The following OTOF variants were observed in gnomAD, a reference collection of about 807,000 sequenced individuals.
OTOF encodes fer-1-like family member 2.
OTOF carries 218 observed loss-of-function variants against 236.8 expected under a neutral mutation model. The observed-to-expected ratio is 0.92, with a 90% CI of 0.82 to 1.03. The LOEUF (loss-of-function observed/expected upper bound fraction) is 1.03. OTOF is among the 50% of genes least tolerant of loss of function. The pLI is 0.00. For synonymous variants in OTOF, 1,041 were observed against 1,072.5 expected (o/e 0.97, Z 0.57); for missense variants, 2,590 against 2,694.4 (o/e 0.96, Z 0.86).
chr2:26,530,535 G>A (rs1666919344), intron 2 of OTOF, among the ~76,000 whole-genome samples: 1 of 152,184 alleles, frequency 6.6e-6, no homozygotes, highest in Non-Finnish European at 1.5e-5. Flanking sequence ...CTGAGTCACA[G>A]CAGCTTCTTC....
chr2:26,474,325 AC>A (rs1346968396), intron 26 of OTOF, among the ~76,000 whole-genome samples, 187 bp downstream of exon 26: 2 of 105,848 alleles, frequency 1.9e-5, no homozygotes, highest in Non-Finnish European at 3.9e-5. Context: ...CCAGGCCCTA[AC>A]CCCCCAGGCC....
At chr2:26,489,863 G>A in intron 9 of OTOF, 123 bp from the exon 10 acceptor site, 5 of 766,498 alleles carry the variant, frequency 6.5e-6, no homozygotes, top group Admixed American at 1.9e-5. Context: ...GAGCCCCAAA[G>A]TTCAGAGGAG....
rs1449423483 is a variant in OTOF at position 26,462,844 on chromosome 2, C to T, written c.5192+639G>A. Reference sequence around the variant, plus strand: ...GGAGCATGGAAACAAGAGTGGGACCCTGTGTGGCTTCCTCCATCCCTGAAG... The same window carrying T: ...GGAGCATGGAAACAAGAGTGGGACCTTGTGTGGCTTCCTCCATCCCTGAAG... On this transcript the variant is annotated intron_variant, in intron 41 of 46. Coordinates refer to ENST00000272371, the MANE Select transcript of OTOF (RefSeq NM_194248.3). This position sits in a 1 kb window ranked among gnomAD's most constrained non-coding sequence, Gnocchi z 4.7. Among the ~76,000 whole-genome samples, 1 of 152,210 alleles carries T rather than the reference C, an allele frequency of 6.6e-6. No homozygotes were observed. Among genetic ancestry groups the T allele is most frequent in the Non-Finnish European group, 1.5e-5 (1 of 68,040 alleles).
intron 5 of OTOF, among the ~76,000 whole-genome samples, chr2:26,511,457 T>C (rs544441832): frequency 7.2e-5 from 11 of 152,236 alleles, no homozygotes; most frequent in Non-Finnish European, 1.5e-4. Flanking sequence ...GCAATGAGGA[T>C]GAAGACAGGA....
intron 9 of OTOF, among the ~76,000 whole-genome samples, chr2:26,492,223 G>A (rs1665866045): frequency 6.6e-6 from 1 of 152,146 alleles, no homozygotes; most frequent in South Asian, 2.1e-4. Flanking sequence ...TGGAAACTTG[G>A]TAGCTGTAAC....
intron 1 of OTOF, among the ~76,000 whole-genome samples, chr2:26,557,875 T>G (rs1667632786): frequency 6.6e-6 from 1 of 151,744 alleles, no homozygotes; most frequent in African/African-American, 2.4e-5. Context: ...CTCAGCTCTG[T>G]GTTTCTACCC....
At position 26,477,008 on chromosome 2, in the gene OTOF, C is replaced by G. The variant is rs777673117; in HGVS notation, c.2559G>C (p.Met853Ile). 1 of 1,606,620 alleles carries G rather than the reference C, an allele frequency of 6.2e-7. No homozygotes were observed. Among genetic ancestry groups the G allele is most frequent in the South Asian group, 1.1e-5 (1 of 90,684 alleles). ...AGGCGACACGCTTGTTGTTGCTCAT[C>G]ATCCAGATGAAGATGTCGGGAATGC... ...QHSIPDIFIW[M>I]MSNNKRVAYA... The change falls in exon 22 of 47, where the codon ATG (methionine) becomes ATC (isoleucine). Residue 853 changes from methionine to isoleucine, a missense_variant. Physicochemically the swap from Met to Ile is conservative, Grantham distance 10. Around this residue, in one of 2 missense-constraint regions of OTOF, gnomAD observed 1,379 missense variants for 1,341.6 expected, o/e 1.03. Transcript: ENST00000272371. This position sits in a 1 kb window ranked among gnomAD's most constrained non-coding sequence, Gnocchi z 4.7.
rs929076079 is a variant in OTOF, at chr2:26,473,926, C to T, written c.3408+65G>A. The stretch of plus-strand genomic sequence containing the variant: ...TGGTGGTGGGAGGGGGATGACAAGC[C>T]ACTTCCCCTCCTGGGTCCTCAGACT... On this transcript the variant is annotated intron_variant, in intron 27 of 46. Coordinates refer to ENST00000272371, the MANE Select transcript of OTOF (RefSeq NM_194248.3). This position sits in a 1 kb window ranked among gnomAD's most constrained non-coding sequence, Gnocchi z 7.2. 2 of 1,598,016 alleles carry T rather than the reference C, an allele frequency of 1.3e-6. No homozygotes were observed. Among genetic ancestry groups the T allele is most frequent in the African/African-American group, 2.7e-5 (2 of 74,532 alleles).
intron 1 of OTOF, 79 bp from the exon 2 acceptor site, chr2:26,537,853 G>T: frequency 9.3e-7 from 1 of 1,070,392 alleles, no homozygotes; most frequent in South Asian, 1.3e-5. Context: ...CTCATCCTGG[G>T]AGTCGTCCTA....
At chr2:26,505,094 C>T (rs1240661586) in intron 5 of OTOF, among the ~76,000 whole-genome samples, 1 of 152,178 alleles carries the variant, frequency 6.6e-6, no homozygotes, top group Non-Finnish European at 1.5e-5. Context: ...ATCTTATTCC[C>T]CAAACCTGGC....
intron 5 of OTOF, among the ~76,000 whole-genome samples, chr2:26,516,122 G>A (rs1666516493): frequency 6.6e-6 from 1 of 152,192 alleles, no homozygotes; most frequent in Non-Finnish European, 1.5e-5. Flanking sequence ...TCTGAGAAAG[G>A]CAGGAGATCT....
chr2:26,533,626 A>G (rs1276214070), intron 2 of OTOF, among the ~76,000 whole-genome samples: 1 of 152,122 alleles, frequency 6.6e-6, no homozygotes, highest in Non-Finnish European at 1.5e-5. Flanking sequence ...AAGGTGATCT[A>G]AAGTCCCTTT....
intron 5 of OTOF, among the ~76,000 whole-genome samples, chr2:26,506,249 A>G (rs1213073362): frequency 1.3e-5 from 2 of 152,190 alleles, no homozygotes; most frequent in Admixed American, 1.3e-4. Flanking sequence ...TGAATTACCC[A>G]GGAGTCTCCT....
rs891904909 is a variant in OTOF, at chr2:26,461,180, C to T, written c.5534-150G>A. 1 of 754,166 alleles carries T rather than the reference C, an allele frequency of 1.3e-6. No individual in the cohort carries two copies. The highest frequency in any genetic ancestry group is 2.7e-5 in the East Asian group (1 of 37,158). 46.7% of individuals were successfully genotyped at this position (754,166 alleles called of 1,614,324 possible). A position where few individuals can be genotyped will look rare whatever the true frequency, so the allele number is the denominator to read the frequency against. On this transcript the variant is annotated intron_variant, in intron 43 of 46. Transcript: ENST00000272371. The surrounding 1 kb of genome is among the most constrained non-coding windows in gnomAD (Gnocchi z 6.2). ...CTCCTGCCTCACTCCCAGCAACTGG[C>T]CTCAATGCAGGCATCCTCGTGGGCT...
At chr2:26,480,424 CA>C in intron 15 of OTOF, 113 bp from the exon 16 acceptor site, 1 of 754,060 alleles carries the variant, frequency 1.3e-6, no homozygotes, top group South Asian at 1.4e-5. Context: ...GGGGGCATCC[CA>C]CCCGGCTTTG....
chr2:26,537,163 T>G (rs13017387), intron 2 of OTOF, among the ~76,000 whole-genome samples: 56,779 of 152,168 alleles, frequency 0.37, 12,313 homozygotes, highest in Admixed American at 0.52. Context: ...CAGAGCTGTT[T>G]CTGAAAATCC....
intron 11 of OTOF, among the ~76,000 whole-genome samples, chr2:26,488,466 C>G (rs74975043): frequency 0.012 from 1,894 of 152,318 alleles, 42 homozygotes; most frequent in African/African-American, 0.043. Context: ...CTCACAAGCC[C>G]TCTGGGCCAC....
In OTOF at chr2:26,470,265, C is replaced by T. The variant is rs142406713; in HGVS notation, c.4023+328G>A. On this transcript the variant is annotated intron_variant, in intron 32 of 46. Transcript: ENST00000272371. This position sits in a 1 kb window ranked among gnomAD's most constrained non-coding sequence, Gnocchi z 4.3. ...AGTCTCTGTTTACATGTCCATTTTG[C>T]CCAGTAAACCGGAGGCCCATCAGGG... Among the ~76,000 whole-genome samples, 539 of 152,204 alleles carry T rather than the reference C, an allele frequency of 3.5e-3. 5 individuals carry two copies. Among genetic ancestry groups the T allele is most frequent in the Admixed American group, 3.7e-3 (57 of 15,286 alleles).
intron 5 of OTOF, among the ~76,000 whole-genome samples, chr2:26,504,146 T>G (rs1666190419): frequency 6.6e-6 from 1 of 152,162 alleles, no homozygotes; most frequent in African/African-American, 2.4e-5. Flanking sequence ...CCGTTTTAAC[T>G]GGAGCTCCTC....
Sources: allele counts gnomAD v4.1 joint callset (sites outside exome capture counted in the v4.1 genomes callset), GRCh38; gene constraint gnomAD v4.1.1; regional missense constraint gnomAD v4.1.1; non-coding constraint Gnocchi (gnomAD v3.1); transcripts MANE v1.5; gene names NCBI Gene and HGNC (gene_info 2026-07-23, HGNC 2026-07-21).